PAIP1: variants seen among roughly 807,000 people sequenced by gnomAD.
The protein encoded by PAIP1 is poly(A) binding protein interacting protein 1.
PAIP1 carries 16 observed loss-of-function variants against 61.3 expected under a neutral mutation model. The observed-to-expected ratio is 0.26, with a 90% CI of 0.18 to 0.40. PAIP1 has a LOEUF of 0.40. PAIP1 is among the 10% of genes least tolerant of loss of function. The pLI, the probability that PAIP1 is intolerant of heterozygous loss-of-function variation, is 1.00. For missense variants in PAIP1, 416 were observed against 600.9 expected (o/e 0.69, Z 3.22); for synonymous variants, 187 against 226.2 (o/e 0.83, Z 1.56).
Position 43,547,898 on chromosome 5 carries a change from C to A in PAIP1, c.451G>T (p.Gly151Cys). 6.2e-7 allele frequency: 1 copy of A among 1,608,072 alleles called. No homozygotes were observed. The highest frequency in any genetic ancestry group is 2.2e-5 in the East Asian group (1 of 44,822). Residue 151 changes from glycine (G) to cysteine (C), a missense_variant, in exon 3 of 11, where the codon GGT becomes TGT. By Grantham distance (159) the Gly-to-Cys change is radical. Transcript: ENST00000306846. ...GATAGAGTAGGATAATCCTCACAAC[C>A]ATCCTCATAGGATTCCTACGGATCA... ...SSSYTESYEDGCEDYPTLSEY... is the reference protein window; with the variant it reads ...SSSYTESYEDCCEDYPTLSEY...
At chr5:43,539,452 TACACAC>T (rs34509892) in intron 4 of PAIP1, among the ~76,000 whole-genome samples, 4,123 of 148,276 alleles carry the variant, frequency 0.028, 83 homozygotes, top group African/African-American at 0.06. Flanking sequence ...GATCTTTAAA[TACACAC>T]ACACACACAC....
intron 4 of PAIP1, among the ~76,000 whole-genome samples, chr5:43,540,715 C>T (rs1391228010): frequency 6.6e-6 from 1 of 152,172 alleles, no homozygotes; most frequent in Non-Finnish European, 1.5e-5. Context: ...TATTTCTCTA[C>T]ATTATTATTG....
At chr5:43,542,533 C>CAAAA (rs35220672) in intron 4 of PAIP1, among the ~76,000 whole-genome samples, 2 of 62,154 alleles carry the variant, frequency 3.2e-5, no homozygotes, top group African/African-American at 5.3e-5. Context: ...GACTCCATCT[C>CAAAA]AAAAAAAAAA....
chr5:43,535,883 G>C (rs1255900209), intron 6 of PAIP1, among the ~76,000 whole-genome samples: 1 of 151,580 alleles, frequency 6.6e-6, no homozygotes, highest in African/African-American at 2.4e-5. Flanking sequence ...TTATGTCAAC[G>C]ACTGTTATAT....
upstream of PAIP1, chr5:43,557,083 T>A (rs1748130724): frequency 4.1e-6 from 3 of 729,956 alleles, no homozygotes; most frequent in Non-Finnish European, 5.6e-6. Flanking sequence ...TTTCCAGTTC[T>A]CCCCCAAAAC....
chr5:43,531,676 AAG>A lies in PAIP1; in HGVS notation c.1253-1799_1253-1798del, dbSNP rs1491401293. Among the ~76,000 whole-genome samples the A allele has an allele frequency of 8.0e-4, 114 of 143,084 alleles. 2 individuals are homozygous for A. The highest frequency in any genetic ancestry group is 6.1e-3 in the South Asian group (27 of 4,440). 93.9% of individuals were successfully genotyped at this position (143,084 alleles called of 152,430 possible). On this transcript the variant is annotated intron_variant, in intron 9 of 10. Coordinates refer to ENST00000306846, the MANE Select transcript of PAIP1 (RefSeq NM_006451.5). ...TGTCTCAAAAAAAAAAAAAAAAAAA[AAG>A]AGAAAAAAAGAAAAGTGTGTGGAAA...
At chr5:43,529,607 G>A (rs1328109525) in intron 10 of PAIP1, among the ~76,000 whole-genome samples, 179 bp downstream of exon 10, 1 of 152,152 alleles carries the variant, frequency 6.6e-6, no homozygotes, top group Non-Finnish European at 1.5e-5. Context: ...GGCCAGGCTG[G>A]TCTTGAACTC....
In PAIP1 at chr5:43,555,938, C is replaced by T. The variant is rs1182144994; in HGVS notation, c.327G>A (p.Ser109=). 1.9e-6 allele frequency: 3 copies of T among 1,613,950 alleles called. No homozygotes were observed. The highest frequency in any genetic ancestry group is 2.7e-5 in the African/African-American group (2 of 75,002). ...SSQDKIPQQN[S]ESAMAKPQVV... ...CCTGGGGCTTAGCCATTGCTGACTC[C>T]GAGTTCTGCTGTGGGATTTTATCCT... Residue 109 remains serine, a synonymous_variant, in exon 2 of 11, where the codon TCG becomes TCA. Coordinates refer to ENST00000306846, the MANE Select transcript of PAIP1 (RefSeq NM_006451.5).
chr5:43,529,798 C>A lies in PAIP1; in HGVS notation c.1334G>T (p.Gly445Val). The A allele has an allele frequency of 1.3e-6, 2 of 1,547,826 alleles. No homozygotes were observed. Among genetic ancestry groups the A allele is most frequent in the Non-Finnish European group, 1.8e-6 (2 of 1,119,954 alleles). ...GAAGAAAACTTACGGATCACCAGCCCCGGATAAATCTGTTCCATTTTCTTC... is the reference window on the plus strand; with the variant it reads ...GAAGAAAACTTACGGATCACCAGCCACGGATAAATCTGTTCCATTTTCTTC... ...DYEENGTDLS[G>V]AGDPYLDDID... Residue 445 changes from glycine (G) to valine (V), a missense_variant, in exon 10 of 11, where the codon GGG (glycine) becomes GTG (valine). Physicochemically the swap from Gly to Val is moderately radical, Grantham distance 109 (BLOSUM62 -3). Transcript: ENST00000306846.
At chr5:43,538,052 G>A (rs1003524961) in intron 5 of PAIP1, among the ~76,000 whole-genome samples, 6 of 149,598 alleles carry the variant, frequency 4.0e-5, no homozygotes, top group Non-Finnish European at 7.4e-5. Flanking sequence ...TAATAATGCC[G>A]TGCTGAATCC....
chr5:43,533,637 A>G (rs1747031715), intron 9 of PAIP1, 101 bp downstream of exon 9: 1 of 792,676 alleles, frequency 1.3e-6, no homozygotes, highest in African/African-American at 1.7e-5. Flanking sequence ...ATGTGAAGAC[A>G]TCAAAAAGTT....
intron 1 of PAIP1, 125 bp from the exon 2 acceptor site, chr5:43,556,124 T>A (rs938690590): frequency 6.9e-7 from 1 of 1,456,858 alleles, no homozygotes; most frequent in Non-Finnish European, 9.1e-7. Flanking sequence ...ATCATGAAAT[T>A]TATGGTTATC....
Position 43,556,900 on chromosome 5 carries a change from A to C in PAIP1, c.-54T>G. On this transcript the variant is annotated 5_prime_UTR_variant, in exon 1 of 11. Transcript: ENST00000306846. Reference sequence around the variant, plus strand: ...GGGCCGCTGCCGCTGCGCTCGCGATAGGACGCGGGGGGAAGGCGCCGCGGG... The same window carrying C: ...GGGCCGCTGCCGCTGCGCTCGCGATCGGACGCGGGGGGAAGGCGCCGCGGG... The C allele has an allele frequency of 5.2e-6, 7 of 1,342,162 alleles. No homozygotes were observed. The highest frequency in any genetic ancestry group is 6.7e-6 in the Non-Finnish European group (7 of 1,049,734). The allele number at this position is 1,342,162 out of a possible 1,614,324, so 83.1% of individuals were successfully genotyped here.
At position 43,556,804 on chromosome 5, in the gene PAIP1, G is replaced by A. The variant is rs972838868; in HGVS notation, c.43C>T (p.Arg15Trp). 2 of 1,452,412 alleles carry A rather than the reference G, an allele frequency of 1.4e-6. No homozygotes were observed. The highest frequency in any genetic ancestry group is 1.8e-6 in the Non-Finnish European group (2 of 1,105,442). The allele number at this position is 1,452,412 out of a possible 1,614,324, so 90.0% of individuals were successfully genotyped here. ...CCTCCGCGGCCCAGGCCCCGGCTCC[G>A]GCCCCGACCAGCACCTGGGGCCCGA... ...FDRAPGAGRGRSRGLGRGGGG... is the reference protein window; with the variant it reads ...FDRAPGAGRGWSRGLGRGGGG... Residue 15 changes from arginine to tryptophan, a missense_variant, in exon 1 of 11, where the codon CGG (arginine) becomes TGG (tryptophan). By Grantham distance (101) the Arg-to-Trp change is moderately radical. Coordinates refer to ENST00000306846, the MANE Select transcript of PAIP1 (RefSeq NM_006451.5).
intron 6 of PAIP1, among the ~76,000 whole-genome samples, 154 bp from the exon 7 acceptor site, chr5:43,535,794 A>G (rs998605395): frequency 2.0e-5 from 3 of 152,212 alleles, no homozygotes; most frequent in Non-Finnish European, 2.9e-5. Context: ...ATATTCAGTG[A>G]TCTCTACGCC....
At chr5:43,538,233 A>T (rs1446857657) in intron 5 of PAIP1, among the ~76,000 whole-genome samples, 1 of 152,168 alleles carries the variant, frequency 6.6e-6, no homozygotes, top group Non-Finnish European at 1.5e-5. Context: ...GATGTTGGTC[A>T]AAGGACACAG....
At chr5:43,542,938 C>T in intron 4 of PAIP1, 66 bp downstream of exon 4, 2 of 849,990 alleles carry the variant, frequency 2.4e-6, no homozygotes, top group South Asian at 1.4e-5. Context: ...AATATATGGT[C>T]TGAGGAATGG....
chr5:43,538,478 T>A (rs958975123), intron 5 of PAIP1, among the ~76,000 whole-genome samples: 3 of 152,174 alleles, frequency 2.0e-5, no homozygotes, highest in Non-Finnish European at 2.9e-5. Context: ...AAAATATTTT[T>A]AAAAAACTAT....
At chr5:43,528,676 A>G (rs1255043138) in intron 10 of PAIP1, among the ~76,000 whole-genome samples, 1 of 152,156 alleles carries the variant, frequency 6.6e-6, no homozygotes, top group East Asian at 1.9e-4. Flanking sequence ...ACCGACACAT[A>G]ATTAAAATAT....
Sources: allele counts gnomAD v4.1 joint callset (sites outside exome capture counted in the v4.1 genomes callset), GRCh38; gene constraint gnomAD v4.1.1; transcripts MANE v1.5; gene names NCBI Gene and HGNC (gene_info 2026-07-23, HGNC 2026-07-21).